NCOA1: variants seen among roughly 807,000 people sequenced by gnomAD.
The protein encoded by NCOA1 is Hin-2 protein.
Under a neutral mutation model 150.9 loss-of-function variants are expected in NCOA1, and 35 were observed. That is an observed-to-expected ratio of 0.23 (90% CI 0.18 to 0.31). NCOA1 has a LOEUF of 0.31. Ranked by LOEUF, NCOA1 falls within the 10% of genes least tolerant of loss-of-function variation. The pLI, the probability that NCOA1 is intolerant of heterozygous loss-of-function variation, is 1.00. For synonymous variants in NCOA1, 590 were observed against 630.0 expected, an observed-to-expected ratio of 0.94 and a Z score of 0.95; for missense variants, 1,491 against 1,749.3, an observed-to-expected ratio of 0.85 and a Z score of 2.63.
In NCOA1 at chr2:24,634,003, A is replaced by C. The variant is rs55664208; in HGVS notation, c.-174-9963A>C. On this transcript the variant is annotated intron_variant, in intron 3 of 22. Transcript: ENST00000348332. ...TCACATACACATATGAACAGAACAC[A>C]TGCACACTTCAACATGGATAGAACT... 6.8e-3 allele frequency among the ~76,000 whole-genome samples: 1,036 copies of C among 152,358 alleles called. 13 individuals carry two copies. The highest frequency in any genetic ancestry group is 0.024 in the African/African-American group (989 of 41,578).
At chr2:24,754,144 C>G (rs186286026) in intron 20 of NCOA1, among the ~76,000 whole-genome samples, 2 of 152,124 alleles carry the variant, frequency 1.3e-5, no homozygotes, top group Non-Finnish European at 2.9e-5. Context: ...TAATGCAAGC[C>G]ACAATCATCT....
At chr2:24,722,695 CTT>C (rs1451251543) in intron 14 of NCOA1, among the ~76,000 whole-genome samples, 2 of 151,280 alleles carry the variant, frequency 1.3e-5, no homozygotes, top group Non-Finnish European at 2.9e-5. Flanking sequence ...TTTTTTTAAT[CTT>C]ATTAATTCAC....
intron 2 of NCOA1, among the ~76,000 whole-genome samples, chr2:24,566,395 G>C (rs1234635849): frequency 6.6e-6 from 1 of 151,848 alleles, no homozygotes; most frequent in Non-Finnish European, 1.5e-5. Context: ...GTTCCATTGT[G>C]TGCTCAGCTT....
chr2:24,576,153 T>TTTTTTTTTG (rs1666956162), intron 2 of NCOA1, among the ~76,000 whole-genome samples: 1 of 96,226 alleles, frequency 1.0e-5, no homozygotes, highest in African/African-American at 4.0e-5. Flanking sequence ...GCCTTTGTTT[T>TTTTTTTTTG]TTTTTTTTTG....
At chr2:24,500,386 G>A (rs1356779686) in intron 1 of NCOA1, among the ~76,000 whole-genome samples, 1 of 152,180 alleles carries the variant, frequency 6.6e-6, no homozygotes, top group Non-Finnish European at 1.5e-5. Context: ...GGGATTACAG[G>A]CGTGAGCCAC....
In NCOA1 at chr2:24,711,012, G is replaced by A; in HGVS notation, c.2500G>A (p.Asp834Asn). The part of the protein sequence containing the change: ...AAQLPGLCET[D>N]RMDGAVTSVT... ...ACAGTTGCCAGGCTTATGTGAGACA[G>A]ACAGGATGGATGGTGCGGTCACCAG... The change falls in exon 14 of 23, where the codon GAC becomes AAC. Residue 834 changes from aspartate (D) to asparagine (N), a missense_variant. By Grantham distance (23) the Asp-to-Asn change is conservative. Around this residue, in one of 8 missense-constraint regions of NCOA1, gnomAD observed 703 missense variants for 717.7 expected, o/e 0.98. Transcript: ENST00000348332. The A allele has an allele frequency of 1.2e-6, 2 of 1,614,222 alleles. No individual in the cohort carries two copies. The highest frequency in any genetic ancestry group is 1.1e-5 in the South Asian group (1 of 91,090).
At chr2:24,617,345 C>G (rs1285159760) in intron 3 of NCOA1, among the ~76,000 whole-genome samples, 1 of 152,142 alleles carries the variant, frequency 6.6e-6, no homozygotes, top group Non-Finnish European at 1.5e-5. Context: ...GTTATGATCT[C>G]TCCACCTCAA....
intron 7 of NCOA1, among the ~76,000 whole-genome samples, chr2:24,682,005 C>T (rs901953702): frequency 1.3e-5 from 2 of 152,186 alleles, no homozygotes; most frequent in Admixed American, 6.5e-5. Context: ...TGAGACACTG[C>T]GCCCGGCCCC....
At chr2:24,720,857 C>G (rs1674327728) in intron 14 of NCOA1, among the ~76,000 whole-genome samples, 1 of 152,110 alleles carries the variant, frequency 6.6e-6, no homozygotes, top group African/African-American at 2.4e-5. Context: ...ATTGATTGGC[C>G]CACATCTTAA....
Position 24,707,801 on chromosome 2 carries a change from G to T in NCOA1, c.2331G>T (p.Lys777Asn). The change falls in exon 13 of 23, where the codon AAG (lysine) becomes AAT (asparagine). Residue 777 changes from lysine (K) to asparagine (N), a missense_variant. Lys to Asn is a moderately conservative substitution (Grantham distance 94). Around this residue, in one of 8 missense-constraint regions of NCOA1, gnomAD observed 703 missense variants for 717.7 expected, o/e 0.98. Transcript: ENST00000348332. The stretch of plus-strand genomic sequence containing the variant: ...ATGATGTAAAGGTGAAAGTGGAAAA[G>T]AAAGAACAGATGGATCCATGTAATA... ...SLDDVKVKVE[K>N]KEQMDPCNTN... 6.2e-7 allele frequency: 1 copy of T among 1,614,160 alleles called. No homozygotes were observed. The highest frequency in any genetic ancestry group is 8.5e-7 in the Non-Finnish European group (1 of 1,180,008).
At chr2:24,729,935 TC>T in intron 17 of NCOA1, 120 bp downstream of exon 17, 2 of 1,076,198 alleles carry the variant, frequency 1.9e-6, no homozygotes, top group South Asian at 1.6e-5. Context: ...AACCGCCGCC[TC>T]CCAGGTTCAA....
At chr2:24,534,595 A>G (rs559601233) in intron 1 of NCOA1, among the ~76,000 whole-genome samples, 16 of 152,298 alleles carry the variant, frequency 1.1e-4, no homozygotes, top group East Asian at 9.6e-4. Flanking sequence ...TTAGTGCTAT[A>G]AATTTCCCTC....
chr2:24,716,442 A>G (rs1674049089), intron 14 of NCOA1, among the ~76,000 whole-genome samples: 1 of 152,200 alleles, frequency 6.6e-6, no homozygotes, highest in Non-Finnish European at 1.5e-5. Context: ...CACCAAGGTA[A>G]TTAAACAAAG....
intron 19 of NCOA1, 47 bp from the exon 20 acceptor site, chr2:24,751,932 TTAA>T: frequency 1.3e-6 from 2 of 1,497,308 alleles, no homozygotes; most frequent in Non-Finnish European, 1.8e-6. Context: ...ATTTATGGGG[TTAA>T]TAAATTTATA....
intron 1 of NCOA1, among the ~76,000 whole-genome samples, chr2:24,514,801 G>A (rs940074158): frequency 6.6e-6 from 1 of 151,948 alleles, no homozygotes; most frequent in Non-Finnish European, 1.5e-5. Flanking sequence ...AAAAGTAAAC[G>A]TATAAATAGA....
chr2:24,689,564 C>A (rs1672566858), intron 8 of NCOA1, among the ~76,000 whole-genome samples: 1 of 152,134 alleles, frequency 6.6e-6, no homozygotes, highest in South Asian at 2.1e-4. Context: ...GGCTAATTTT[C>A]TGTAATTTTA....
intron 8 of NCOA1, among the ~76,000 whole-genome samples, chr2:24,683,879 T>C (rs2148542859): frequency 6.6e-6 from 1 of 152,342 alleles, no homozygotes; most frequent in South Asian, 2.1e-4. Flanking sequence ...AAAGTTTTCA[T>C]ATTACATTTC....
chr2:24,694,942 A>G (rs1672832065), intron 10 of NCOA1, among the ~76,000 whole-genome samples: 1 of 152,160 alleles, frequency 6.6e-6, no homozygotes, highest in Non-Finnish European at 1.5e-5. Flanking sequence ...AAGAAACCAA[A>G]TAAGGGCTTT....
chr2:24,619,183 T>G (rs1414284731), intron 3 of NCOA1, among the ~76,000 whole-genome samples: 1 of 152,208 alleles, frequency 6.6e-6, no homozygotes, highest in East Asian at 1.9e-4. Flanking sequence ...ATGATATAAT[T>G]GTGTCATAAG....
Sources: allele counts gnomAD v4.1 joint callset (sites outside exome capture counted in the v4.1 genomes callset), GRCh38; gene constraint gnomAD v4.1.1; regional missense constraint gnomAD v4.1.1; transcripts MANE v1.5; gene names NCBI Gene and HGNC (gene_info 2026-07-23, HGNC 2026-07-21).